The following UNC5CL variants were observed in gnomAD, a reference collection of about 807,000 sequenced individuals.
UNC5CL encodes the protein unc-5 family C-terminal like, also known as UNC5C-like protein.
Under a neutral mutation model 54.1 loss-of-function variants are expected in UNC5CL, and 42 were observed. The ratio of observed to expected loss-of-function variants is 0.78; its 90% CI spans 0.61 to 1.00. The LOEUF is 1.00. Among genes scored for constraint, UNC5CL ranks in the 50% least tolerant of loss-of-function variants. The pLI is 0.00. For missense variants in UNC5CL, 619 were observed against 675.6 expected (o/e 0.92, Z 0.93); for synonymous variants, 285 against 285.1 (o/e 1.00, Z 0.00).
At position 41,029,084 on chromosome 6, in the gene UNC5CL, T is replaced by C. The variant is rs1762424387; in HGVS notation, c.1335-489A>G. Among the ~76,000 whole-genome samples the C allele has an allele frequency of 6.6e-6, 1 of 152,116 alleles. No individual in the cohort carries two copies. Among genetic ancestry groups the C allele is most frequent in the Non-Finnish European group, 1.5e-5 (1 of 68,006 alleles). ...GTCCACTAAAACCTTCCAGAGTCTC[T>C]CACCTCCTAACCAGCCCACGCTCCA... On this transcript the variant is annotated intron_variant, in intron 8 of 8. Coordinates refer to ENST00000244565, the MANE Select transcript of UNC5CL (RefSeq NM_173561.3). This position sits in a 1 kb window ranked among gnomAD's most constrained non-coding sequence, Gnocchi z 4.1.
Position 41,029,544 on chromosome 6 carries a change from T to G in UNC5CL, c.1334+844A>C, listed in dbSNP as rs1387749379. ...GCGCCGGGACCATGCCTCATTCATC[T>G]TGTATCATAGTGCTTAGCACAGTTT... On this transcript the variant is annotated intron_variant, in intron 8 of 8. Transcript: ENST00000244565. The surrounding 1 kb of genome is among the most constrained non-coding windows in gnomAD (Gnocchi z 4.1). 6.6e-6 allele frequency among the ~76,000 whole-genome samples: 1 copy of G among 152,276 alleles called. No homozygotes were observed. Among genetic ancestry groups the G allele is most frequent in the Non-Finnish European group, 1.5e-5 (1 of 68,054 alleles).
At chr6:41,035,381 A>G (rs1391723390) in intron 1 of UNC5CL, among the ~76,000 whole-genome samples, 1 of 152,210 alleles carries the variant, frequency 6.6e-6, no homozygotes, top group Non-Finnish European at 1.5e-5. Flanking sequence ...CATGAGTTCA[A>G]ATGTCACCTT....
chr6:41,028,878 A>C lies in UNC5CL; in HGVS notation c.1335-283T>G, dbSNP rs559185852. Among the ~76,000 whole-genome samples, 1 of 152,066 alleles carries C rather than the reference A, an allele frequency of 6.6e-6. No individual in the cohort carries two copies. Among genetic ancestry groups the C allele is most frequent in the South Asian group, 2.1e-4 (1 of 4,818 alleles). ...GAGGGCTTAGACAAGAGGACCTCTAAGTTTGCTACAGTTCTGATGTTCTGT... is the reference window on the plus strand; with the variant it reads ...GAGGGCTTAGACAAGAGGACCTCTACGTTTGCTACAGTTCTGATGTTCTGT... On this transcript the variant is annotated intron_variant, in intron 8 of 8. Transcript: ENST00000244565. This position sits in a 1 kb window ranked among gnomAD's most constrained non-coding sequence, Gnocchi z 4.3.
At chr6:41,035,650 T>C (rs1762514669) in intron 1 of UNC5CL, among the ~76,000 whole-genome samples, 1 of 152,240 alleles carries the variant, frequency 6.6e-6, no homozygotes, top group Non-Finnish European at 1.5e-5. Context: ...TATGTCCACT[T>C]TTAATTACAT....
rs565239683 is a variant in UNC5CL at position 41,033,205 on chromosome 6, C to T, written c.687-59G>A. 54 of 1,557,910 alleles carry T rather than the reference C, an allele frequency of 3.5e-5. 1 individual carries two copies. In the South Asian group the frequency reaches 6.4e-4, roughly 19 times the overall value. On this transcript the variant is annotated intron_variant, in intron 3 of 8. Coordinates refer to ENST00000244565, the MANE Select transcript of UNC5CL (RefSeq NM_173561.3). ...CAGGGAAGGCTAAGACACCAACACA[C>T]TGCCACCAGCCTCCTGCCACCTGAG... is the stretch of plus-strand genomic sequence containing the variant.
Position 41,028,599 on chromosome 6 carries a change from G to A in UNC5CL, c.1335-4C>T. On this transcript the variant is annotated splice_region_variant and splice_polypyrimidine_tract_variant and intron_variant, in intron 8 of 8. Transcript: ENST00000244565. The surrounding 1 kb of genome is among the most constrained non-coding windows in gnomAD (Gnocchi z 4.3). ...GCTGCGCTGGCAGGACAGGAACCTG[G>A]CCCGAGGTAGGGGAGGAAGAGAAGG... 3 of 1,612,250 alleles carry A rather than the reference G, an allele frequency of 1.9e-6. No individual in the cohort carries two copies. Among genetic ancestry groups the A allele is most frequent in the African/African-American group, 1.3e-5 (1 of 75,056 alleles).
chr6:41,034,315 G>T, intron 2 of UNC5CL, 134 bp from the exon 3 acceptor site: 1 of 1,068,816 alleles, frequency 9.4e-7, no homozygotes, highest in Non-Finnish European at 1.3e-6. Context: ...ACAGGGAAGT[G>T]GTATGAACAA....
In UNC5CL at chr6:41,028,452, C is replaced by T. The variant is rs776074291; in HGVS notation, c.1478G>A (p.Gly493Glu). 5.0e-6 allele frequency: 8 copies of T among 1,613,602 alleles called. No individual in the cohort carries two copies. Among genetic ancestry groups the T allele is most frequent in the Non-Finnish European group, 6.8e-6 (8 of 1,179,956 alleles). Residue 493 changes from glycine to glutamate, a missense_variant, in exon 9 of 9, where the codon GGG (glycine) becomes GAG (glutamate). Physicochemically the swap from Gly to Glu is moderately conservative, Grantham distance 98 (BLOSUM62 -2). Coordinates refer to ENST00000244565, the MANE Select transcript of UNC5CL (RefSeq NM_173561.3). The surrounding 1 kb of genome is among the most constrained non-coding windows in gnomAD (Gnocchi z 4.3). The part of the protein sequence containing the change: ...CASAIQNYLS[G>E]THGGSPGPER... Reference sequence around the variant, plus strand: ...GGGGCCTGGGCTGCCGCCGTGTGTCCCACTCAGGTAGTTCTGGATGGCGGA... The same window carrying T: ...GGGGCCTGGGCTGCCGCCGTGTGTCTCACTCAGGTAGTTCTGGATGGCGGA...
Position 41,034,717 on chromosome 6 carries a change from T to G in UNC5CL, c.358A>C (p.Thr120Pro). ...GGTGGGATGAGCAAGGAGATGCCTG[T>G]ATCCTGGAGCATCAGGCAACCGCCG... Reference protein sequence around the residue: ...HRGGCLMLQDTGISLLIPPGA... With the variant: ...HRGGCLMLQDPGISLLIPPGA... Residue 120 changes from threonine to proline, a missense_variant, in exon 2 of 9, where the codon ACA becomes CCA. Transcript: ENST00000244565. 1 of 1,605,348 alleles carries G rather than the reference T, an allele frequency of 6.2e-7. No individual in the cohort carries two copies. Among genetic ancestry groups the G allele is most frequent in the African/African-American group, 1.3e-5 (1 of 75,054 alleles).
intron 1 of UNC5CL, among the ~76,000 whole-genome samples, chr6:41,037,656 T>C (rs1762540188): frequency 6.6e-6 from 1 of 152,162 alleles, no homozygotes; most frequent in African/African-American, 2.4e-5. Flanking sequence ...GAAGCGGGGG[T>C]TGGCATTGTT....
intron 4 of UNC5CL, among the ~76,000 whole-genome samples, chr6:41,032,375 G>A (rs978568516): frequency 2.6e-5 from 4 of 152,170 alleles, no homozygotes; most frequent in Admixed American, 6.5e-5. Flanking sequence ...GCATCACCCT[G>A]TCCAAGGAGT....
rs1762430530 is a variant in UNC5CL, at chr6:41,029,685, A to G, written c.1334+703T>C. On this transcript the variant is annotated intron_variant, in intron 8 of 8. Coordinates refer to ENST00000244565, the MANE Select transcript of UNC5CL (RefSeq NM_173561.3). This position sits in a 1 kb window ranked among gnomAD's most constrained non-coding sequence, Gnocchi z 4.1. The stretch of plus-strand genomic sequence containing the variant: ...AACCCCGTCTGTACTAAAAATAAAA[A>G]ATTAGCTGGACATGGTGGCGTGTGC... Among the ~76,000 whole-genome samples, 1 of 152,176 alleles carries G rather than the reference A, an allele frequency of 6.6e-6. No individual in the cohort carries two copies. The highest frequency in any genetic ancestry group is 2.4e-5 in the African/African-American group (1 of 41,424).
At position 41,033,226 on chromosome 6, in the gene UNC5CL, C is replaced by T. The variant is rs990575736; in HGVS notation, c.687-80G>A. ...CACACTGCCACCAGCCTCCTGCCAC[C>T]TGAGGGGCCTCTGTGGGGCCTTCAA... On this transcript the variant is annotated intron_variant, in intron 3 of 8. Coordinates refer to ENST00000244565, the MANE Select transcript of UNC5CL (RefSeq NM_173561.3). 1.1e-5 allele frequency: 17 copies of T among 1,510,264 alleles called. No homozygotes were observed. The African/African-American group carries it at 1.5e-4, about 13-fold the overall frequency. The allele number at this position is 1,510,264 out of a possible 1,614,324, so 93.6% of individuals were successfully genotyped here.
At chr6:41,038,148 C>G (rs571527938) in intron 1 of UNC5CL, among the ~76,000 whole-genome samples, 1 of 152,184 alleles carries the variant, frequency 6.6e-6, no homozygotes, top group Non-Finnish European at 1.5e-5. Context: ...ATCTTCCTTT[C>G]CTTCTCTAGA....
chr6:41,032,218 G>A, intron 4 of UNC5CL, 81 bp from the exon 5 acceptor site: 1 of 1,188,968 alleles, frequency 8.4e-7, no homozygotes, highest in South Asian at 1.3e-5. Context: ...GGAGGCATGA[G>A]GACAGAACAA....
At chr6:41,031,906 G>T in intron 5 of UNC5CL, 130 bp downstream of exon 5, 1 of 1,219,012 alleles carries the variant, frequency 8.2e-7, no homozygotes, top group Non-Finnish European at 1.2e-6. Flanking sequence ...GTGGCTCCTG[G>T]CCTTTCAGGG....
In UNC5CL at chr6:41,033,267, A is replaced by T. The variant is rs541211682; in HGVS notation, c.687-121T>A. 3.3e-5 allele frequency: 41 copies of T among 1,250,924 alleles called. No individual in the cohort carries two copies. In the East Asian group the frequency reaches 1.0e-3, roughly 32 times the overall value. 77.5% of individuals were successfully genotyped at this position (1,250,924 alleles called of 1,614,324 possible). ...GGGCCTTCAAGGAGGTTCAGAGAACACTCGAGGGGAGCACTTAGGGAGGAA... is the reference window on the plus strand; with the variant it reads ...GGGCCTTCAAGGAGGTTCAGAGAACTCTCGAGGGGAGCACTTAGGGAGGAA... On this transcript the variant is annotated intron_variant, in intron 3 of 8. Transcript: ENST00000244565.
intron 6 of UNC5CL, among the ~76,000 whole-genome samples, 186 bp downstream of exon 6, chr6:41,031,495 G>A (rs373781308): frequency 6.6e-6 from 1 of 152,152 alleles, no homozygotes; most frequent in East Asian, 1.9e-4. Flanking sequence ...GGAGAGTCAG[G>A]GATGAGGGTA....
chr6:41,030,878 C>T (rs1374171557), intron 6 of UNC5CL, 123 bp from the exon 7 acceptor site: 2 of 814,934 alleles, frequency 2.5e-6, no homozygotes, highest in Non-Finnish European at 2.0e-6. Context: ...AGCCACCTTA[C>T]CAGGAGATAC....
Sources: gnomAD v4.1 joint callset for allele counts (sites outside exome capture counted in the v4.1 genomes callset) on GRCh38, gnomAD v4.1.1 for gene constraint, Gnocchi (gnomAD v3.1) non-coding constraint, MANE v1.5 for transcripts, NCBI Gene and HGNC (gene_info 2026-07-23, HGNC 2026-07-21) for gene names.